Variants in TNFRSF1B observed in about 807,000 individuals in gnomAD.
TNFRSF1B encodes the protein tumor necrosis factor receptor superfamily member 1B.
In TNFRSF1B, 19 loss-of-function variants were observed where a neutral mutation model predicts 44.6. The ratio of observed to expected loss-of-function variants is 0.43; its 90% CI spans 0.30 to 0.62. The LOEUF is 0.62. TNFRSF1B is among the 20% of genes least tolerant of loss of function. The pLI is 0.16. For synonymous variants in TNFRSF1B, 252 were observed against 261.1 expected, an observed-to-expected ratio of 0.97 and a Z score of 0.34; for missense variants, 541 against 619.9, an observed-to-expected ratio of 0.87 and a Z score of 1.35.
Position 12,192,393 on chromosome 1 carries a change from T to G in TNFRSF1B, c.458-38T>G, listed in dbSNP as rs75924049. On this transcript the variant is annotated intron_variant, in intron 4 of 9. Transcript: ENST00000376259. ...GCCAAGGCCCAGCTGTCCCGCAGAGTGTCTGAGTGGTTGACAAGTTCGGAT... is the reference window on the plus strand; with the variant it reads ...GCCAAGGCCCAGCTGTCCCGCAGAGGGTCTGAGTGGTTGACAAGTTCGGAT... 1.0e-5 allele frequency: 16 copies of G among 1,604,324 alleles called. No homozygotes were observed. In the East Asian group the frequency reaches 3.6e-4, roughly 36 times the overall value.
intron 1 of TNFRSF1B, among the ~76,000 whole-genome samples, chr1:12,183,647 TTATCTATTTTATCTATC>T (rs1341831372): frequency 7.5e-5 from 11 of 146,178 alleles, no homozygotes; most frequent in African/African-American, 2.3e-4. Flanking sequence ...TCTAGCTATT[TTATCTATTTTATCTATC>T]TATCTATCTA....
At chr1:12,194,462 C>A in intron 7 of TNFRSF1B, 122 bp from the exon 8 acceptor site, 1 of 971,362 alleles carries the variant, frequency 1.0e-6, no homozygotes, top group Non-Finnish European at 1.6e-6. Flanking sequence ...GTCTGGTAGG[C>A]GATTGGTCCC....
chr1:12,184,577 G>T (rs1459061537), intron 1 of TNFRSF1B, among the ~76,000 whole-genome samples: 1 of 152,192 alleles, frequency 6.6e-6, no homozygotes, highest in Non-Finnish European at 1.5e-5. Context: ...GGAGGAGGTG[G>T]GAGGCCACCA....
rs754383725 is a variant in TNFRSF1B at position 12,206,707 on chromosome 1, G to A, written c.1106-33G>A. ...CCCTGGGCCCCACTCCTGGACCCCC[G>A]GACTGACCCCCACCCCATCTTGTGC... is the stretch of plus-strand genomic sequence containing the variant. On this transcript the variant is annotated intron_variant, in intron 9 of 9. Transcript: ENST00000376259. The A allele has an allele frequency of 2.3e-5, 35 of 1,519,730 alleles. No homozygotes were observed. In the East Asian group the frequency reaches 7.2e-4, roughly 31 times the overall value. The allele number at this position is 1,519,730 out of a possible 1,614,324, so 94.1% of individuals were successfully genotyped here.
chr1:12,174,146 CTT>C (rs1638585555), intron 1 of TNFRSF1B, among the ~76,000 whole-genome samples: 5 of 87,812 alleles, frequency 5.7e-5, no homozygotes, highest in Non-Finnish European at 8.9e-5. Flanking sequence ...TCTTCTTCTT[CTT>C]CTTCTTCTTC....
intron 7 of TNFRSF1B, 62 bp downstream of exon 7, chr1:12,194,094 T>C: frequency 7.2e-7 from 1 of 1,379,922 alleles, no homozygotes; most frequent in Non-Finnish European, 1.0e-6. Context: ...GGGTGCCTCC[T>C]GTGAGTCCAG....
In TNFRSF1B at chr1:12,183,711, T is replaced by TA. The variant is rs1553163383; in HGVS notation, c.79-5085_79-5084insA. Among the ~76,000 whole-genome samples, 282 of 93,250 alleles carry TA rather than the reference T, an allele frequency of 3.0e-3. 5 individuals are homozygous for TA. Among genetic ancestry groups the TA allele is most frequent in the African/African-American group, 7.7e-3 (202 of 26,260 alleles). 61.2% of individuals were successfully genotyped at this position (93,250 alleles called of 152,430 possible). A position where few individuals can be genotyped will look rare whatever the true frequency, so the allele number is the denominator to read the frequency against. On this transcript the variant is annotated intron_variant, in intron 1 of 9. Coordinates refer to ENST00000376259, the MANE Select transcript of TNFRSF1B (RefSeq NM_001066.3). ...ATCTATCTATCTATCTATCTATCTA[T>TA]TCTATCTACCTATCTATCTATCTAT... is the stretch of plus-strand genomic sequence containing the variant.
chr1:12,198,990 GC>G (rs577317074), intron 8 of TNFRSF1B, among the ~76,000 whole-genome samples: 9 of 152,226 alleles, frequency 5.9e-5, no homozygotes, highest in African/African-American at 1.9e-4. Context: ...ACTGCGCCCG[GC>G]CCTGGGATCC....
intron 6 of TNFRSF1B, among the ~76,000 whole-genome samples, chr1:12,193,640 T>C (rs1639200773): frequency 6.6e-6 from 1 of 152,184 alleles, no homozygotes; most frequent in South Asian, 2.1e-4. Context: ...CACCTGAATA[T>C]GCAGATGGTC....
intron 1 of TNFRSF1B, among the ~76,000 whole-genome samples, chr1:12,184,604 G>A (rs1310243061): frequency 6.6e-6 from 1 of 152,226 alleles, no homozygotes; most frequent in Non-Finnish European, 1.5e-5. Context: ...CGGCCTGGGG[G>A]CCATGGGAGT....
intron 8 of TNFRSF1B, among the ~76,000 whole-genome samples, chr1:12,197,362 G>A (rs1177784558): frequency 2.0e-5 from 3 of 152,196 alleles, no homozygotes; most frequent in East Asian, 1.9e-4. Context: ...CTGATTTGTG[G>A]TGTTTGCTAA....
chr1:12,192,982 C>T lies in TNFRSF1B; in HGVS notation c.671C>T (p.Ser224Phe). 1 of 1,614,210 alleles carries T rather than the reference C, an allele frequency of 6.2e-7. No individual in the cohort carries two copies. The highest frequency in any genetic ancestry group is 1.7e-5 in the Admixed American group (1 of 60,032). ...TTACCCCAGCCAGTGTCCACACGAT[C>T]CCAACACACGCAGCCAACTCCAGAA... is the stretch of plus-strand genomic sequence containing the variant. ...VHLPQPVSTR[S>F]QHTQPTPEPS... Residue 224 changes from serine (S) to phenylalanine (F), a missense_variant, in exon 6 of 10, where the codon TCC (serine) becomes TTC (phenylalanine). Transcript: ENST00000376259.
intron 9 of TNFRSF1B, 131 bp from the exon 10 acceptor site, chr1:12,206,609 G>A: frequency 5.1e-6 from 5 of 980,866 alleles, no homozygotes; most frequent in South Asian, 1.9e-5. Flanking sequence ...GCAGAGCTGG[G>A]CTAGAATCTT....
At position 12,180,806 on chromosome 1, in the gene TNFRSF1B, C is replaced by T. The variant is rs1570136272; in HGVS notation, c.79-7990C>T. Among the ~76,000 whole-genome samples the T allele has an allele frequency of 6.6e-6, 1 of 152,194 alleles. No individual in the cohort carries two copies. Among genetic ancestry groups the T allele is most frequent in the Admixed American group, 6.5e-5 (1 of 15,280 alleles). On this transcript the variant is annotated intron_variant, in intron 1 of 9. Coordinates refer to ENST00000376259, the MANE Select transcript of TNFRSF1B (RefSeq NM_001066.3). The surrounding 1 kb of genome is among the most constrained non-coding windows in gnomAD (Gnocchi z 4.3). ...CGGCCCTCGGCAGCTCTCAGAAGCTCACCTTCTTGCAGGCTCTCACAGCCG... is the reference window on the plus strand; with the variant it reads ...CGGCCCTCGGCAGCTCTCAGAAGCTTACCTTCTTGCAGGCTCTCACAGCCG...
At position 12,206,766 on chromosome 1, in the gene TNFRSF1B, C is replaced by G. The variant is rs768236405; in HGVS notation, c.1132C>G (p.Gln378Glu). ...SDSSPGGHGT[Q>E]VNVTCIVNVC... ...TTCTTCCCCTGGTGGCCATGGGACC[C>G]AGGTCAATGTCACCTGCATCGTGAA... Residue 378 changes from glutamine (Q) to glutamate (E), a missense_variant, in exon 10 of 10, where the codon CAG becomes GAG. Transcript: ENST00000376259. 5 of 1,601,702 alleles carry G rather than the reference C, an allele frequency of 3.1e-6. No individual in the cohort carries two copies. Among genetic ancestry groups the G allele is most frequent in the Non-Finnish European group, 4.3e-6 (5 of 1,170,950 alleles).
intron 8 of TNFRSF1B, among the ~76,000 whole-genome samples, chr1:12,195,095 G>A (rs556452574): frequency 3.3e-5 from 5 of 152,366 alleles, no homozygotes; most frequent in Admixed American, 2.6e-4. Context: ...GCCCTTGGGC[G>A]TGGGGGAAGT....
At chr1:12,172,074 C>T (rs908042238) in intron 1 of TNFRSF1B, among the ~76,000 whole-genome samples, 1 of 152,088 alleles carries the variant, frequency 6.6e-6, no homozygotes, top group African/African-American at 2.4e-5. Flanking sequence ...CGACATCCCT[C>T]GTGTAGTGAG....
chr1:12,189,997 G>A (rs1161474079), intron 2 of TNFRSF1B, among the ~76,000 whole-genome samples: 4 of 152,184 alleles, frequency 2.6e-5, no homozygotes, highest in Non-Finnish European at 4.4e-5. Flanking sequence ...GCGAAGGCGA[G>A]TACGGTAGGG....
In TNFRSF1B at chr1:12,178,849, T is replaced by C. The variant is rs1366610393; in HGVS notation, c.79-9947T>C. The stretch of plus-strand genomic sequence containing the variant: ...AGGTTGCGCAGGTGGTGGCAGCCGC[T>C]GGAAGCTTTTAAGGAGAGTCAGGCT... On this transcript the variant is annotated intron_variant, in intron 1 of 9. Coordinates refer to ENST00000376259, the MANE Select transcript of TNFRSF1B (RefSeq NM_001066.3). This position sits in a 1 kb window ranked among gnomAD's most constrained non-coding sequence, Gnocchi z 4.3. Among the ~76,000 whole-genome samples, 3 of 151,978 alleles carry C rather than the reference T, an allele frequency of 2.0e-5. No individual in the cohort carries two copies. Among genetic ancestry groups the C allele is most frequent in the African/African-American group, 4.8e-5 (2 of 41,364 alleles).
Sources: gnomAD v4.1 joint callset for allele counts (sites outside exome capture counted in the v4.1 genomes callset) on GRCh38, gnomAD v4.1.1 for gene constraint, Gnocchi (gnomAD v3.1) non-coding constraint, MANE v1.5 for transcripts, NCBI Gene and HGNC (gene_info 2026-07-23, HGNC 2026-07-21) for gene names.